Variants in HIBCH observed in about 807,000 individuals in gnomAD.
HIBCH encodes the protein 3-hydroxyisobutyryl-CoA hydrolase, also known as 3-hydroxyisobutyryl-CoA hydrolase, mitochondrial.
A neutral mutation model predicts 58.2 loss-of-function variants in HIBCH; 50 were observed. The observed-to-expected ratio is 0.86, with a 90% CI of 0.68 to 1.09. The LOEUF is 1.09. Ranked by LOEUF, HIBCH falls within the 50% of genes least tolerant of loss-of-function variation. The probability of loss-of-function intolerance (pLI) is 0.00; values close to 1 mark genes in which losing one functional copy is unlikely to be tolerated. For synonymous variants in HIBCH, 151 were observed against 146.9 expected, an observed-to-expected ratio of 1.03 and a Z score of -0.20; for missense variants, 450 against 449.7, an observed-to-expected ratio of 1.00 and a Z score of -0.01.
intron 11 of HIBCH, among the ~76,000 whole-genome samples, chr2:190,227,270 T>C (rs1484807836): frequency 2.0e-5 from 3 of 152,074 alleles, no homozygotes; most frequent in Non-Finnish European, 4.4e-5. Flanking sequence ...TCAGAAATAA[T>C]ACCACACATC....
At chr2:190,241,148 GGGTGCTCCTGTATT>G (rs1472487254) in intron 11 of HIBCH, among the ~76,000 whole-genome samples, 1 of 152,138 alleles carries the variant, frequency 6.6e-6, no homozygotes, top group East Asian at 1.9e-4. Flanking sequence ...TTATGAATCT[GGGTGCTCCTGTATT>G]GGTGAATATA....
Position 190,205,215 on chromosome 2 carries a change from G to A in HIBCH, c.1063C>T (p.Gln355Ter). The stretch of plus-strand genomic sequence containing the variant: ...TCAGCTGGTTTCCATTTTGGACTCT[G>A]GTCTTTATCAATTAAAACTGTCAAG... The part of the protein sequence containing the change: ...GVRAVLIDKD[Q>*]SPKWKPADLK... Residue 355 changes from glutamine to a stop codon, truncating the protein, a stop_gained, in exon 14 of 14, where the codon CAG (glutamine) becomes TAG (stop). Transcript: ENST00000359678. LOFTEE classifies it high-confidence loss of function. The A allele has an allele frequency of 6.3e-7, 1 of 1,581,960 alleles. No individual in the cohort carries two copies. Among genetic ancestry groups the A allele is most frequent in the Non-Finnish European group, 8.7e-7 (1 of 1,151,192 alleles).
At chr2:190,246,287 C>T (rs992125054) in intron 9 of HIBCH, 75 bp from the exon 10 acceptor site, 9 of 833,248 alleles carry the variant, frequency 1.1e-5, no homozygotes, top group Admixed American at 8.3e-5. Context: ...TTTAATGATA[C>T]ACTTTGTGAA....
intron 2 of HIBCH, among the ~76,000 whole-genome samples, chr2:190,301,826 G>A (rs754285220): frequency 7.2e-5 from 11 of 152,170 alleles, no homozygotes; most frequent in Non-Finnish European, 1.3e-4. Flanking sequence ...CACAAGGAAG[G>A]AAAAGGGCAA....
chr2:190,196,846 A>G (rs879920682), intron 1 of HIBCH, among the ~76,000 whole-genome samples: 8 of 152,154 alleles, frequency 5.3e-5, no homozygotes, highest in Non-Finnish European at 1.0e-4. Context: ...CATAGACCCT[A>G]TGTGTCTTAG....
Position 190,296,837 on chromosome 2 carries a change from A to G in HIBCH, c.195T>C (p.Ile65=). 1.2e-6 allele frequency: 2 copies of G among 1,614,060 alleles called. No homozygotes were observed. Among genetic ancestry groups the G allele is most frequent in the Middle Eastern group, 1.6e-4 (1 of 6,062 alleles). Residue 65 remains isoleucine, a synonymous_variant, in exon 3 of 14, where the codon ATT becomes ATC. Coordinates refer to ENST00000359678, the MANE Select transcript of HIBCH (RefSeq NM_014362.4). ...CCTTTAGCTGTGGATAAATCTGCCG[A>G]ATCATATTAAGAGTCAGTGCATTGA... ...KFLNALTLNM[I]RQIYPQLKKW...
At chr2:190,309,466 T>C (rs1559065929) in intron 2 of HIBCH, among the ~76,000 whole-genome samples, 1 of 152,214 alleles carries the variant, frequency 6.6e-6, no homozygotes, top group Non-Finnish European at 1.5e-5. Context: ...CCTTATAATC[T>C]GATAAACTTT....
chr2:190,301,153 G>C (rs568237644), intron 2 of HIBCH, among the ~76,000 whole-genome samples: 2 of 152,180 alleles, frequency 1.3e-5, no homozygotes, highest in African/African-American at 4.8e-5. Context: ...AGGATGACTG[G>C]AGCCAGAGGT....
intron 4 of HIBCH, among the ~76,000 whole-genome samples, chr2:190,291,456 A>G (rs968460160): frequency 6.6e-6 from 1 of 152,342 alleles, no homozygotes; most frequent in Non-Finnish European, 1.5e-5. Context: ...AAATGACAGA[A>G]AGAAAAATTC....
intron 7 of HIBCH, 113 bp downstream of exon 7, chr2:190,261,039 TTTCA>T (rs1687073831): frequency 6.5e-6 from 5 of 771,060 alleles, no homozygotes; most frequent in South Asian, 6.2e-5. Context: ...TTTAAAATCC[TTTCA>T]TTGTTGCATC....
In HIBCH at chr2:190,279,929, GGAAA is replaced by G. The variant is rs1212081094; in HGVS notation, c.438+7653_438+7656del. 1 of 157,896 alleles carries G rather than the reference GGAAA, an allele frequency of 6.3e-6. No individual in the cohort carries two copies. The highest frequency in any genetic ancestry group is 1.4e-5 in the Non-Finnish European group (1 of 72,720). The allele number at this position is 157,896 out of a possible 1,614,324, so 9.8% of individuals were successfully genotyped here. On this transcript the variant is annotated intron_variant, in intron 6 of 13. Transcript: ENST00000359678. The surrounding 1 kb of genome is among the most constrained non-coding windows in gnomAD (Gnocchi z 4.2). ...AATGTGAGGTCCCGTTCCAGCCAAT[GGAAA>G]CCGGACACAGCAGTAGGGTGAACGC...
chr2:190,202,398 C>T (rs1387829504), downstream of HIBCH: 1 of 166,620 alleles, frequency 6.0e-6, no homozygotes, highest in Non-Finnish European at 1.5e-5. Flanking sequence ...GTGGATAAAT[C>T]AAGACAGGAG....
intron 3 of HIBCH, among the ~76,000 whole-genome samples, chr2:190,295,474 A>T (rs1234002691): frequency 2.0e-5 from 3 of 152,226 alleles, no homozygotes; most frequent in Non-Finnish European, 4.4e-5. Flanking sequence ...GACTGCGAGC[A>T]ATCATGAGGC....
intron 6 of HIBCH, among the ~76,000 whole-genome samples, chr2:190,263,997 G>A (rs1221161617): frequency 1.3e-5 from 2 of 152,126 alleles, no homozygotes; most frequent in Non-Finnish European, 2.9e-5. Flanking sequence ...CCTACTTGAA[G>A]CCTTTATCCT....
rs1575724318 is a variant in HIBCH at position 190,249,807 on chromosome 2, T to C, written c.664-81A>G. On this transcript the variant is annotated intron_variant, in intron 8 of 13. Transcript: ENST00000359678. ...GCTTTATAAAAATCTCATCTTCTTT[T>C]TTAGAATTCTTGACTTTAAATTATG... is the stretch of plus-strand genomic sequence containing the variant. 3.9e-5 allele frequency: 35 copies of C among 903,464 alleles called. No homozygotes were observed. In the East Asian group the frequency reaches 9.1e-4, roughly 23 times the overall value. 56.0% of individuals were successfully genotyped at this position (903,464 alleles called of 1,614,324 possible). A position where few individuals can be genotyped will look rare whatever the true frequency, so the allele number is the denominator to read the frequency against.
At chr2:190,227,234 T>C (rs1243371411) in intron 11 of HIBCH, among the ~76,000 whole-genome samples, 2 of 152,112 alleles carry the variant, frequency 1.3e-5, no homozygotes, top group Non-Finnish European at 2.9e-5. Context: ...AACAGAGATA[T>C]AGACCAATGG....
In HIBCH at chr2:190,207,674, A is replaced by T. The variant is rs1690422759; in HGVS notation, c.1045+1206T>A. 6.6e-6 allele frequency among the ~76,000 whole-genome samples: 1 copy of T among 152,174 alleles called. No homozygotes were observed. Reference sequence around the variant, plus strand: ...GGCAGCCAGATCACATAATATCAGGAGTTCAAGACCAGCCTGGCCAACATG... The same window carrying T: ...GGCAGCCAGATCACATAATATCAGGTGTTCAAGACCAGCCTGGCCAACATG... On this transcript the variant is annotated intron_variant, in intron 13 of 13. Coordinates refer to ENST00000359678, the MANE Select transcript of HIBCH (RefSeq NM_014362.4). The surrounding 1 kb of genome is among the most constrained non-coding windows in gnomAD (Gnocchi z 4.5).
downstream of HIBCH, chr2:190,199,948 C>T (rs1308166608): frequency 6.2e-7 from 1 of 1,614,054 alleles, no homozygotes; most frequent in Non-Finnish European, 8.5e-7. Context: ...ACCCTTTATG[C>T]CAGAAGAGAG....
chr2:190,317,389 C>G (rs1319493816), intron 1 of HIBCH, among the ~76,000 whole-genome samples: 1 of 152,180 alleles, frequency 6.6e-6, no homozygotes, highest in African/African-American at 2.4e-5. Flanking sequence ...AGTAGGAAAA[C>G]CAAGTAGTCC....
Sources: allele counts gnomAD v4.1 joint callset (sites outside exome capture counted in the v4.1 genomes callset), GRCh38; gene constraint gnomAD v4.1.1; non-coding constraint Gnocchi (gnomAD v3.1); transcripts MANE v1.5; gene names NCBI Gene and HGNC (gene_info 2026-07-23, HGNC 2026-07-21).